Variants in HECTD4 observed in about 807,000 individuals in gnomAD.
HECTD4 encodes the protein probable E3 ubiquitin-protein ligase HECTD4.
A neutral mutation model predicts 471.5 loss-of-function variants in HECTD4; 114 were observed. That is an observed-to-expected ratio of 0.24 (90% confidence interval 0.21 to 0.28). The LOEUF (loss-of-function observed/expected upper bound fraction) is 0.28, where lower values mean the gene tolerates loss of function less well. Among genes scored for constraint, HECTD4 ranks in the 10% least tolerant of loss-of-function variants. HECTD4 has a pLI of 1.00. For synonymous variants in HECTD4, 2,012 were observed against 2,256.0 expected, an observed-to-expected ratio of 0.89 and a Z score of 3.07; for missense variants, 3,866 against 5,651.5, an observed-to-expected ratio of 0.68 and a Z score of 10.13.
chr12:112,333,243 A>G (rs558371908), intron 1 of HECTD4, among the ~76,000 whole-genome samples: 2 of 152,350 alleles, frequency 1.3e-5, no homozygotes, highest in South Asian at 2.1e-4. Context: ...GTCACATGTT[A>G]ACTCTATGTT....
At chr12:112,201,643 CTGAG>C (rs1374503547) in intron 54 of HECTD4, among the ~76,000 whole-genome samples, 5 of 151,970 alleles carry the variant, frequency 3.3e-5, no homozygotes, top group African/African-American at 9.7e-5. Flanking sequence ...CTGCTTAGTA[CTGAG>C]TGTTTTAGTT....
At chr12:112,189,254 A>C (rs748109770) in intron 60 of HECTD4, among the ~76,000 whole-genome samples, 20 of 152,162 alleles carry the variant, frequency 1.3e-4, no homozygotes, top group Non-Finnish European at 2.6e-4. Flanking sequence ...TTCTTGAAAT[A>C]AGAAATTACG....
intron 22 of HECTD4, among the ~76,000 whole-genome samples, chr12:112,253,744 G>A (rs2033947903): frequency 6.6e-6 from 1 of 152,220 alleles, no homozygotes; most frequent in Non-Finnish European, 1.5e-5. Flanking sequence ...AGGGAGTGTA[G>A]AGGAGAACTA....
At chr12:112,231,131 T>C (rs2033367721) in intron 39 of HECTD4, 1 of 448,338 alleles carries the variant, frequency 2.2e-6, no homozygotes, top group Non-Finnish European at 4.0e-6. Flanking sequence ...CGAACCAACT[T>C]CACAGAGGCA....
chr12:112,189,784 G>A (rs568177135), intron 60 of HECTD4, among the ~76,000 whole-genome samples: 14 of 151,446 alleles, frequency 9.2e-5, no homozygotes, highest in East Asian at 3.9e-4. Context: ...ATGGAGTTTC[G>A]CTCTTGTTGC....
chr12:112,175,263 C>T (rs1341215781), intron 66 of HECTD4, among the ~76,000 whole-genome samples: 4 of 152,174 alleles, frequency 2.6e-5, no homozygotes, highest in Non-Finnish European at 4.4e-5. Context: ...AGGTCATCAG[C>T]GTGGGCTCCT....
intron 47 of HECTD4, 129 bp from the exon 48 acceptor site, chr12:112,216,500 A>G (rs181379772): frequency 1.4e-6 from 1 of 692,836 alleles, no homozygotes; most frequent in Admixed American, 2.6e-5. Context: ...GTATCACTTT[A>G]GTATTAAAAT....
chr12:112,219,543 GGTGC>G (rs1203816515), intron 44 of HECTD4, 54 bp from the exon 45 acceptor site: 3 of 1,250,138 alleles, frequency 2.4e-6, no homozygotes, highest in Non-Finnish European at 3.5e-6. Context: ...CTCCCAAGTG[GGTGC>G]TGACTCTTTT....
At chr12:112,267,190 C>T (rs550095235) in intron 13 of HECTD4, 26 of 544,748 alleles carry the variant, frequency 4.8e-5, no homozygotes, top group African/African-American at 3.8e-4. Context: ...GCTCCATGTG[C>T]GTCCCTCCCG....
chr12:112,332,669 A>G (rs2135716804), intron 1 of HECTD4, among the ~76,000 whole-genome samples: 1 of 152,126 alleles, frequency 6.6e-6, no homozygotes, highest in African/African-American at 2.4e-5. Context: ...CTTTTATAAA[A>G]AATAATATAA....
rs1312574382 is a variant in HECTD4, at chr12:112,228,490, TA to T, written c.6684+156del. Among the ~76,000 whole-genome samples the T allele has an allele frequency of 6.6e-6, 1 of 152,222 alleles. No homozygotes were observed. The highest frequency in any genetic ancestry group is 1.5e-5 in the Non-Finnish European group (1 of 68,032). The stretch of plus-strand genomic sequence containing the variant: ...TAGATGAAAATTTTCACATAAGCAT[TA>T]CTATTAAATAACTATAACCAATACA... On this transcript the variant is annotated intron_variant, in intron 42 of 75. Transcript: ENST00000682272. The surrounding 1 kb of genome is among the most constrained non-coding windows in gnomAD (Gnocchi z 4.9).
At chr12:112,300,322 AAG>A (rs1219511052) in intron 7 of HECTD4, among the ~76,000 whole-genome samples, 3 of 151,612 alleles carry the variant, frequency 2.0e-5, no homozygotes, top group Admixed American at 6.6e-5. Context: ...AAAAAAAAAA[AAG>A]AAAGAAAGAA....
chr12:112,339,996 C>A (rs1328807451), intron 1 of HECTD4, among the ~76,000 whole-genome samples: 1 of 151,558 alleles, frequency 6.6e-6, no homozygotes, highest in Non-Finnish European at 1.5e-5. Context: ...TTGCAGTGAG[C>A]CAAGATTGCA....
Position 112,221,220 on chromosome 12 carries a change from C to T in HECTD4, c.6971-1731G>A, listed in dbSNP as rs377518108. 4.0e-4 allele frequency among the ~76,000 whole-genome samples: 61 copies of T among 152,118 alleles called. 1 individual carries two copies. The East Asian group carries it at 5.2e-3, about 13-fold the overall frequency. Reference sequence around the variant, plus strand: ...TGTTTTAAAGTGTTGGTAGTGAAAACGGGCAGGAAAGGGATAAATTTCAGG... The same window carrying T: ...TGTTTTAAAGTGTTGGTAGTGAAAATGGGCAGGAAAGGGATAAATTTCAGG... On this transcript the variant is annotated intron_variant, in intron 44 of 75. Transcript: ENST00000682272.
chr12:112,380,650 C>T, intron 1 of HECTD4, among the ~76,000 whole-genome samples: 1 of 152,184 alleles, frequency 6.6e-6, no homozygotes, highest in East Asian at 1.9e-4. Context: ...GTTAGGAATT[C>T]CCTACCAACC....
intron 27 of HECTD4, among the ~76,000 whole-genome samples, chr12:112,247,852 AAAC>A (rs1373861394): frequency 1.3e-5 from 2 of 152,206 alleles, no homozygotes; most frequent in African/African-American, 4.8e-5. Flanking sequence ...TCAGTTAAAA[AAAC>A]AACCTAATGA....
chr12:112,219,597 A>C, intron 44 of HECTD4, 108 bp from the exon 45 acceptor site: 124 of 680,974 alleles, frequency 1.8e-4, no homozygotes, highest in East Asian at 4.9e-4. Context: ...TATAGAGCTC[A>C]TTGAATTTTT....
Position 112,194,122 on chromosome 12 carries a change from C to G in HECTD4, c.8750-448G>C, listed in dbSNP as rs560651737. 6.6e-6 allele frequency among the ~76,000 whole-genome samples: 1 copy of G among 152,320 alleles called. No homozygotes were observed. The highest frequency in any genetic ancestry group is 2.1e-4 in the South Asian group (1 of 4,824). On this transcript the variant is annotated intron_variant, in intron 56 of 75. Transcript: ENST00000682272. The surrounding 1 kb of genome is among the most constrained non-coding windows in gnomAD (Gnocchi z 4.6). ...GATGCTTTCCAGGTATATTTCAGGGCATCTAAGTTCTTGGGATGGGCTGTG... is the reference window on the plus strand; with the variant it reads ...GATGCTTTCCAGGTATATTTCAGGGGATCTAAGTTCTTGGGATGGGCTGTG...
chr12:112,178,743 G>A (rs929630989), intron 64 of HECTD4, among the ~76,000 whole-genome samples, 188 bp downstream of exon 64: 1 of 152,222 alleles, frequency 6.6e-6, no homozygotes, highest in Admixed American at 6.5e-5. Flanking sequence ...GAGGTGGGAG[G>A]ATCGCTTGAG....
Sources: gnomAD v4.1 joint callset for allele counts (sites outside exome capture counted in the v4.1 genomes callset) on GRCh38, gnomAD v4.1.1 for gene constraint, Gnocchi (gnomAD v3.1) non-coding constraint, MANE v1.5 for transcripts, NCBI Gene and HGNC (gene_info 2026-07-23, HGNC 2026-07-21) for gene names.